DUSP10: variants seen among roughly 807,000 people sequenced by gnomAD.
The protein encoded by DUSP10 is dual specificity protein phosphatase 10.
DUSP10 carries 14 observed loss-of-function variants against 30.8 expected under a neutral mutation model. That is an observed-to-expected ratio of 0.46 (90% CI 0.30 to 0.71). The LOEUF (loss-of-function observed/expected upper bound fraction) is 0.71, where lower values mean the gene tolerates loss of function less well. DUSP10 is among the 30% of genes least tolerant of loss of function. The probability of loss-of-function intolerance (pLI) is 0.08; values close to 1 mark genes in which losing one functional copy is unlikely to be tolerated. For synonymous variants in DUSP10, 254 were observed against 250.4 expected, an observed-to-expected ratio of 1.01 and a Z score of -0.14; for missense variants, 550 against 619.4, an observed-to-expected ratio of 0.89 and a Z score of 1.19.
chr1:221,721,299 T>G (rs1423966945), intron 2 of DUSP10, among the ~76,000 whole-genome samples: 1 of 152,206 alleles, frequency 6.6e-6, no homozygotes. Context: ...CATTATGCTA[T>G]GGATTTGCGA....
intron 3 of DUSP10, among the ~76,000 whole-genome samples, chr1:221,704,997 T>C (rs1261608528): frequency 6.6e-6 from 1 of 152,118 alleles, no homozygotes; most frequent in Non-Finnish European, 1.5e-5. Flanking sequence ...TGCTGTAATA[T>C]TTAGGAAAAG....
chr1:221,738,369 T>A (rs1303381686), intron 2 of DUSP10, among the ~76,000 whole-genome samples: 1 of 152,234 alleles, frequency 6.6e-6, no homozygotes, highest in Non-Finnish European at 1.5e-5. Flanking sequence ...AACTTATACT[T>A]TATATGGGGC....
chr1:221,718,152 G>A (rs1173404925), intron 2 of DUSP10, among the ~76,000 whole-genome samples: 1 of 151,772 alleles, frequency 6.6e-6, no homozygotes, highest in African/African-American at 2.4e-5. Flanking sequence ...TGTGCTGAAA[G>A]GACCAGCATG....
chr1:221,717,009 C>G (rs986610938), intron 2 of DUSP10, among the ~76,000 whole-genome samples: 1 of 152,186 alleles, frequency 6.6e-6, no homozygotes, highest in Non-Finnish European at 1.5e-5. Flanking sequence ...CCTCCCCACT[C>G]CATCAGGAGG....
intron 2 of DUSP10, chr1:221,737,154 G>A: frequency 1.3e-5 from 13 of 985,404 alleles, no homozygotes; most frequent in Non-Finnish European, 1.6e-5. Flanking sequence ...AGTAGGGTCT[G>A]CAACTCCTTG....
chr1:221,712,364 T>G (rs1660963653), intron 2 of DUSP10, among the ~76,000 whole-genome samples: 1 of 152,080 alleles, frequency 6.6e-6, no homozygotes, highest in Admixed American at 6.5e-5. Context: ...GATAAAGAAG[T>G]ATTTATCTTA....
chr1:221,732,745 T>G (rs568820328), intron 2 of DUSP10, among the ~76,000 whole-genome samples: 1 of 152,306 alleles, frequency 6.6e-6, no homozygotes, highest in African/African-American at 2.4e-5. Context: ...CTTTGCTGCC[T>G]GTTAGAATCA....
intron 2 of DUSP10, among the ~76,000 whole-genome samples, chr1:221,735,526 A>G (rs1167806448): frequency 6.6e-6 from 1 of 152,250 alleles, no homozygotes; most frequent in Non-Finnish European, 1.5e-5. Flanking sequence ...ACATACTTAA[A>G]TACATTAAAA....
intron 2 of DUSP10, 115 bp downstream of exon 2, chr1:221,738,819 A>T: frequency 7.6e-7 from 1 of 1,311,454 alleles, no homozygotes; most frequent in Non-Finnish European, 1.0e-6. Flanking sequence ...GAGAAGAATA[A>T]AGTCTATTTT....
intron 2 of DUSP10, among the ~76,000 whole-genome samples, chr1:221,723,537 C>A (rs1661338413): frequency 6.6e-6 from 1 of 152,236 alleles, no homozygotes; most frequent in Admixed American, 6.5e-5. Flanking sequence ...CAGGGGTTCC[C>A]AGGCCACCCA....
chr1:221,732,910 C>T (rs1571830273), intron 2 of DUSP10, among the ~76,000 whole-genome samples: 1 of 152,312 alleles, frequency 6.6e-6, no homozygotes, highest in East Asian at 1.9e-4. Context: ...GATTAGGGGC[C>T]CTCTAAAGTT....
intron 2 of DUSP10, among the ~76,000 whole-genome samples, chr1:221,718,986 G>T (rs1571818442): frequency 6.6e-6 from 1 of 152,194 alleles, no homozygotes. Context: ...AGTTACACAG[G>T]TGAAGCCTGG....
chr1:221,724,049 G>A (rs1019585390), intron 2 of DUSP10, among the ~76,000 whole-genome samples: 7 of 152,158 alleles, frequency 4.6e-5, no homozygotes, highest in Non-Finnish European at 7.3e-5. Context: ...GCATAACAAA[G>A]ACACTCCTAA....
chr1:221,720,996 G>A (rs1314042990), intron 2 of DUSP10, among the ~76,000 whole-genome samples: 1 of 152,138 alleles, frequency 6.6e-6, no homozygotes, highest in Non-Finnish European at 1.5e-5. Context: ...TAATGGTTTG[G>A]TGCACTAGGG....
chr1:221,741,091 C>T (rs142179349), intron 1 of DUSP10, among the ~76,000 whole-genome samples: 1 of 152,190 alleles, frequency 6.6e-6, no homozygotes, highest in African/African-American at 2.4e-5. Context: ...GTGTCACAGG[C>T]GGAATCCACA....
chr1:221,730,963 A>T (rs956089126), intron 2 of DUSP10, among the ~76,000 whole-genome samples: 1 of 152,204 alleles, frequency 6.6e-6, no homozygotes, highest in African/African-American at 2.4e-5. Context: ...CAAAGACTTC[A>T]TAATTAAAAG....
At chr1:221,727,857 C>CTGAG (rs1331789138) in intron 2 of DUSP10, among the ~76,000 whole-genome samples, 2 of 152,122 alleles carry the variant, frequency 1.3e-5, no homozygotes, top group African/African-American at 2.4e-5. Flanking sequence ...ACTGGAGGAC[C>CTGAG]TGAGTGTTTG....
intron 2 of DUSP10, among the ~76,000 whole-genome samples, chr1:221,726,189 A>C (rs1218677631): frequency 6.6e-6 from 1 of 152,188 alleles, no homozygotes; most frequent in Non-Finnish European, 1.5e-5. Context: ...TTGGGGGGAA[A>C]AATAAACTCA....
rs763115029 is a variant in DUSP10 at position 221,702,436 on chromosome 1, C to T, written c.1425G>A (p.Leu475=). The T allele has an allele frequency of 2.7e-5, 43 of 1,613,958 alleles. No homozygotes were observed. The highest frequency in any genetic ancestry group is 6.7e-5 in the Admixed American group (4 of 60,000). ...GVTPRILTPK[L]MGVETVV ...GTCACACAACCGTCTCCACGCCCAT[C>T]AGCTTTGGTGTAAGGATTCTCGGTG... Residue 475 remains leucine, a synonymous_variant, in exon 4 of 4, where the codon CTG becomes CTA. Transcript: ENST00000366899. The surrounding 1 kb of genome is among the most constrained non-coding windows in gnomAD (Gnocchi z 4.5).
Sources: gnomAD v4.1 joint callset for allele counts (sites outside exome capture counted in the v4.1 genomes callset) on GRCh38, gnomAD v4.1.1 for gene constraint, Gnocchi (gnomAD v3.1) non-coding constraint, MANE v1.5 for transcripts, NCBI Gene and HGNC (gene_info 2026-07-23, HGNC 2026-07-21) for gene names.